Variants in DSCAM observed in about 807,000 individuals in gnomAD.
DSCAM encodes the protein cell adhesion molecule DSCAM.
In DSCAM, 47 loss-of-function variants were observed where a neutral mutation model predicts 217.7. The observed-to-expected ratio is 0.22, with a 90% CI of 0.17 to 0.28. The LOEUF is 0.28. Among genes scored for constraint, DSCAM ranks in the 10% least tolerant of loss-of-function variants. DSCAM has a pLI of 1.00. For synonymous variants in DSCAM, 1,056 were observed against 1,015.3 expected (o/e 1.04, Z -0.76); for missense variants, 2,080 against 2,618.3 (o/e 0.79, Z 4.49).
chr21:40,674,181 A>T (rs1263741335), intron 3 of DSCAM, among the ~76,000 whole-genome samples: 1 of 152,122 alleles, frequency 6.6e-6, no homozygotes, highest in Non-Finnish European at 1.5e-5. Flanking sequence ...AAAATATCTC[A>T]TTTTATTAGC....
At chr21:40,730,229 C>T (rs764568011) in intron 1 of DSCAM, among the ~76,000 whole-genome samples, 12 of 152,132 alleles carry the variant, frequency 7.9e-5, no homozygotes, top group Non-Finnish European at 1.3e-4. Context: ...TTGATTTGGA[C>T]TTGACACTTC....
intron 9 of DSCAM, among the ~76,000 whole-genome samples, chr21:40,297,598 C>A (rs989335746): frequency 1.3e-5 from 2 of 152,120 alleles, no homozygotes; most frequent in Admixed American, 6.6e-5. Context: ...ATGGTTAGGG[C>A]CTAAGTTAGC....
At chr21:40,668,978 G>A (rs9980412) in intron 3 of DSCAM, among the ~76,000 whole-genome samples, 38,551 of 152,022 alleles carry the variant, frequency 0.25, 5,990 homozygotes, top group Admixed American at 0.42. Flanking sequence ...TATCACCTCC[G>A]TGCCAAACAC....
chr21:40,215,606 G>C (rs963358369), intron 11 of DSCAM, among the ~76,000 whole-genome samples: 11 of 152,036 alleles, frequency 7.2e-5, no homozygotes, highest in Non-Finnish European at 1.6e-4. Flanking sequence ...TAAGCTATAG[G>C]TATGCCAAGG....
At position 40,453,040 on chromosome 21, in the gene DSCAM, T is replaced by TG. The variant is rs2075733141; in HGVS notation, c.509-83796_509-83795insC. Among the ~76,000 whole-genome samples the TG allele has an allele frequency of 3.2e-3, 432 of 134,428 alleles. 5 individuals carry two copies. The highest frequency in any genetic ancestry group is 7.7e-3 in the Middle Eastern group (2 of 260). The allele number at this position is 134,428 out of a possible 152,430, so 88.2% of individuals were successfully genotyped here. A position where few individuals can be genotyped will look rare whatever the true frequency, so the allele number is the denominator to read the frequency against. On this transcript the variant is annotated intron_variant, in intron 3 of 32. Transcript: ENST00000400454. ...CTCTGGTTCCTGAATTTTAAAGACTTTGTGTGTGTGTGTGTGTGTGTGTGT... is the reference window on the plus strand; with the variant it reads ...CTCTGGTTCCTGAATTTTAAAGACTTGTGTGTGTGTGTGTGTGTGTGTGTGT...
At chr21:40,416,142 T>C (rs1335865338) in intron 3 of DSCAM, among the ~76,000 whole-genome samples, 2 of 152,180 alleles carry the variant, frequency 1.3e-5, no homozygotes, top group East Asian at 1.9e-4. Flanking sequence ...TTTTTCTGGA[T>C]TGGACACATT....
intron 2 of DSCAM, among the ~76,000 whole-genome samples, chr21:40,700,227 C>T (rs961703689): frequency 5.9e-5 from 9 of 152,276 alleles, no homozygotes; most frequent in African/African-American, 2.2e-4. Flanking sequence ...ACCTCCAGGA[C>T]GATGTAGAAT....
Position 40,095,018 on chromosome 21 carries a change from C to G in DSCAM, c.3697-1144G>C, listed in dbSNP as rs994700493. On this transcript the variant is annotated intron_variant, in intron 20 of 32. Transcript: ENST00000400454. The stretch of plus-strand genomic sequence containing the variant: ...TCCATTTTCATGCTGCTGATAAAGA[C>G]ATACCCGAGACTAGGTAATTTATAA... 3.3e-5 allele frequency among the ~76,000 whole-genome samples: 5 copies of G among 152,284 alleles called. 1 individual carries two copies. In the South Asian group the frequency reaches 1.0e-3, roughly 32 times the overall value.
chr21:40,696,652 G>A (rs1056635722), intron 2 of DSCAM, among the ~76,000 whole-genome samples: 1 of 152,094 alleles, frequency 6.6e-6, no homozygotes, highest in Non-Finnish European at 1.5e-5. Context: ...GATGCCAGTA[G>A]GGTCCACTGC....
rs577401391 is a variant in DSCAM, at chr21:40,011,144, A to T, written c.*1890T>A. 8 of 144,012 alleles carry T rather than the reference A, an allele frequency of 5.6e-5. No individual in the cohort carries two copies. The highest frequency in any genetic ancestry group is 8.1e-5 in the African/African-American group (3 of 36,918). The allele number at this position is 144,012 out of a possible 1,614,324, so 8.9% of individuals were successfully genotyped here. On this transcript the variant is annotated 3_prime_UTR_variant, in exon 33 of 33. Transcript: ENST00000400454. Reference sequence around the variant, plus strand: ...CCAGAAAGTAACATTTCTTTTGCATAAAAAAAAAACAGTCTGAGAGTATGC... The same window carrying T: ...CCAGAAAGTAACATTTCTTTTGCATTAAAAAAAAACAGTCTGAGAGTATGC...
At chr21:40,231,124 G>GT (rs11367532) in intron 11 of DSCAM, among the ~76,000 whole-genome samples, 4,942 of 137,624 alleles carry the variant, frequency 0.036, 93 homozygotes, top group Non-Finnish European at 0.046. Context: ...TCTGGAAGAG[G>GT]TTTTTTTTTT....
intron 3 of DSCAM, among the ~76,000 whole-genome samples, chr21:40,634,112 A>G (rs1398722387): frequency 6.6e-6 from 1 of 152,258 alleles, no homozygotes; most frequent in Non-Finnish European, 1.5e-5. Flanking sequence ...AAGACACAAC[A>G]TATAAGTCTC....
chr21:40,664,812 C>T (rs1435702774), intron 3 of DSCAM, among the ~76,000 whole-genome samples: 1 of 152,138 alleles, frequency 6.6e-6, no homozygotes, highest in Non-Finnish European at 1.5e-5. Context: ...GATGTTTGTC[C>T]CCTCCAAATC....
chr21:40,215,801 A>G (rs2091237528), intron 11 of DSCAM, among the ~76,000 whole-genome samples: 1 of 152,190 alleles, frequency 6.6e-6, no homozygotes, highest in South Asian at 2.1e-4. Context: ...TAATGAAAGA[A>G]AAAAATTAAC....
At chr21:40,053,509 G>A (rs554800225) in intron 29 of DSCAM, among the ~76,000 whole-genome samples, 1 of 152,312 alleles carries the variant, frequency 6.6e-6, no homozygotes, top group East Asian at 1.9e-4. Flanking sequence ...GCGGGGCTAG[G>A]TTACACACTT....
intron 1 of DSCAM, among the ~76,000 whole-genome samples, chr21:40,841,463 G>A (rs2092100777): frequency 6.6e-6 from 1 of 152,194 alleles, no homozygotes; most frequent in Non-Finnish European, 1.5e-5. Context: ...GTTGGGGGGA[G>A]GGGCGCGGAG....
chr21:40,404,938 G>T (rs2075267723), intron 3 of DSCAM, among the ~76,000 whole-genome samples: 1 of 152,208 alleles, frequency 6.6e-6, no homozygotes, highest in Admixed American at 6.5e-5. Flanking sequence ...TAGGATCTCA[G>T]AGACATATGA....
At chr21:40,167,178 G>A in intron 16 of DSCAM, 40 bp downstream of exon 16, 1 of 1,583,350 alleles carries the variant, frequency 6.3e-7, no homozygotes, top group Admixed American at 1.7e-5. Context: ...GCTCGCCCTG[G>A]GGGGAAAGCA....
At chr21:40,428,724 C>T (rs965064446) in intron 3 of DSCAM, among the ~76,000 whole-genome samples, 12 of 152,006 alleles carry the variant, frequency 7.9e-5, no homozygotes, top group African/African-American at 2.9e-4. Context: ...TATTTAGTGT[C>T]GTGGGGCTGT....
Sources: gnomAD v4.1 joint callset for allele counts (sites outside exome capture counted in the v4.1 genomes callset) on GRCh38, gnomAD v4.1.1 for gene constraint, MANE v1.5 for transcripts, NCBI Gene and HGNC (gene_info 2026-07-23, HGNC 2026-07-21) for gene names.